The following CISD2 variants were observed in gnomAD, a reference collection of about 807,000 sequenced individuals.
The protein encoded by CISD2 is CDGSH iron sulfur domain 2, also known as CDGSH iron-sulfur domain-containing protein 2.
CISD2 carries 1 observed loss-of-function variant against 12.9 expected under a neutral mutation model. The observed-to-expected ratio is 0.08, with a 90% CI of 0.03 to 0.37. CISD2 has a LOEUF of 0.37. Ranked by LOEUF, CISD2 falls within the 10% of genes least tolerant of loss-of-function variation. The pLI is 0.99. For synonymous variants in CISD2, 50 were observed against 60.6 expected, an observed-to-expected ratio of 0.83 and a Z score of 0.81; for missense variants, 97 against 163.1, an observed-to-expected ratio of 0.59 and a Z score of 2.21.
rs1733994790 is a variant in CISD2, at chr4:102,887,566, T to C, written c.*136T>C. ...ACTACTGTTTGTATTTGATCCTTTG[T>C]CTATTCAGTCACTTAATTAGAAATT... On this transcript the variant is annotated 3_prime_UTR_variant, in exon 3 of 3. Coordinates refer to ENST00000273986, the MANE Select transcript of CISD2 (RefSeq NM_001008388.5). 3 of 554,080 alleles carry C rather than the reference T, an allele frequency of 5.4e-6. No homozygotes were observed. The African/African-American group carries it at 5.7e-5, about 10-fold the overall frequency. The allele number at this position is 554,080 out of a possible 1,614,324, so 34.3% of individuals were successfully genotyped here. A position where few individuals can be genotyped will look rare whatever the true frequency, so the allele number is the denominator to read the frequency against.
In CISD2 at chr4:102,891,557, G is replaced by T. The variant is rs1734250502; in HGVS notation, c.*4127G>T. ...AGGCAGGATATGTGTTGCATTTGGT[G>T]GTAACAATTTCCCCTTAGCTATTTA... On this transcript the variant is annotated 3_prime_UTR_variant, in exon 3 of 3. Transcript: ENST00000273986. 6.6e-6 allele frequency: 1 copy of T among 152,056 alleles called. No individual in the cohort carries two copies. Among genetic ancestry groups the T allele is most frequent in the South Asian group, 2.1e-4 (1 of 4,822 alleles). 9.4% of individuals were successfully genotyped at this position (152,056 alleles called of 1,614,324 possible). A position where few individuals can be genotyped will look rare whatever the true frequency, so the allele number is the denominator to read the frequency against.
intron 1 of CISD2, among the ~76,000 whole-genome samples, chr4:102,883,911 C>CT (rs1343912074): frequency 6.6e-6 from 1 of 152,084 alleles, no homozygotes; most frequent in East Asian, 1.9e-4. Context: ...TTTATTGTGT[C>CT]TTTTTTGCCA....
rs1474319187 is a variant in CISD2 at position 102,891,086 on chromosome 4, T to C, written c.*3656T>C. The C allele has an allele frequency of 6.6e-6, 1 of 151,312 alleles. No individual in the cohort carries two copies. Among genetic ancestry groups the C allele is most frequent in the Non-Finnish European group, 1.5e-5 (1 of 68,032 alleles). 9.4% of individuals were successfully genotyped at this position (151,312 alleles called of 1,614,324 possible). ...CAAGGAAATGATGTATGTGTTTACA[T>C]ATTACATCTACTTTATTAACAATTT... On this transcript the variant is annotated 3_prime_UTR_variant, in exon 3 of 3. Transcript: ENST00000273986.
chr4:102,877,120 G>T (rs1470905142), intron 1 of CISD2, among the ~76,000 whole-genome samples: 1 of 152,064 alleles, frequency 6.6e-6, no homozygotes, highest in South Asian at 2.1e-4. Flanking sequence ...CATTCATTTT[G>T]CATTTCAAAA....
intron 1 of CISD2, among the ~76,000 whole-genome samples, chr4:102,880,689 T>A (rs223321): frequency 0.95 from 142,170 of 150,412 alleles, 67,075 homozygotes; most frequent in East Asian, 0.99. Flanking sequence ...AAAAAAAAAA[T>A]ATATTTTAAA....
intron 1 of CISD2, among the ~76,000 whole-genome samples, chr4:102,876,177 G>A (rs223324): frequency 0.58 from 87,412 of 151,956 alleles, 26,434 homozygotes; most frequent in African/African-American, 0.78. Context: ...ACATAGTGCA[G>A]TTTGTGGAGT....
chr4:102,869,093 G>T lies in CISD2; in HGVS notation c.9G>T (p.Leu3=). Reference sequence around the variant, plus strand: ...GGACGCCGCTGGCCAGGATGGTGCTGGAGAGCGTGGCCCGTATCGTGAAGG... The same window carrying T: ...GGACGCCGCTGGCCAGGATGGTGCTTGAGAGCGTGGCCCGTATCGTGAAGG... MV[L]ESVARIVKVQ... Residue 3 remains leucine (L), a synonymous_variant, in exon 1 of 3, where the codon CTG becomes CTT. Transcript: ENST00000273986. 1 of 1,611,004 alleles carries T rather than the reference G, an allele frequency of 6.2e-7. No homozygotes were observed. Among genetic ancestry groups the T allele is most frequent in the Non-Finnish European group, 8.5e-7 (1 of 1,178,898 alleles).
chr4:102,870,317 T>A (rs1001944345), intron 1 of CISD2, among the ~76,000 whole-genome samples: 5 of 152,168 alleles, frequency 3.3e-5, no homozygotes, highest in South Asian at 2.1e-4. Context: ...GATTTTTTTT[T>A]AAATTAAAGA....
chr4:102,886,732 C>G (rs1481329227), intron 2 of CISD2, among the ~76,000 whole-genome samples: 2 of 149,386 alleles, frequency 1.3e-5, no homozygotes, highest in Non-Finnish European at 3.0e-5. Context: ...TCTCCCACCT[C>G]AGCCTCCCAA....
rs898580126 is a variant in CISD2 at position 102,888,917 on chromosome 4, T to C, written c.*1487T>C. ...ATACAAAAGCTTTTCTTTAGTCTATTTAAGATACAGTTTATTCAGTTCACT... is the reference window on the plus strand; with the variant it reads ...ATACAAAAGCTTTTCTTTAGTCTATCTAAGATACAGTTTATTCAGTTCACT... On this transcript the variant is annotated 3_prime_UTR_variant, in exon 3 of 3. Transcript: ENST00000273986. The C allele has an allele frequency of 2.6e-5, 4 of 152,260 alleles. No individual in the cohort carries two copies. Among genetic ancestry groups the C allele is most frequent in the African/African-American group, 9.6e-5 (4 of 41,468 alleles). The allele number at this position is 152,260 out of a possible 1,614,324, so 9.4% of individuals were successfully genotyped here.
Position 102,869,050 on chromosome 4 carries a change from G to A in CISD2, c.-35G>A. On this transcript the variant is annotated 5_prime_UTR_variant, in exon 1 of 3. Transcript: ENST00000273986. ...GCGCGGCAGCTTGGCCAGAGCGGAG[G>A]GGGCTCGGGAGAGGAGTGGACGCCG... 6.3e-7 allele frequency: 1 copy of A among 1,586,944 alleles called. No individual in the cohort carries two copies. Among genetic ancestry groups the A allele is most frequent in the Non-Finnish European group, 8.6e-7 (1 of 1,167,754 alleles).
chr4:102,874,220 A>G (rs1165558957), intron 1 of CISD2, among the ~76,000 whole-genome samples: 1 of 152,164 alleles, frequency 6.6e-6, no homozygotes, highest in African/African-American at 2.4e-5. Context: ...TCCTAAGGAG[A>G]TTAACACAGA....
At chr4:102,882,608 C>T (rs1733751385) in intron 1 of CISD2, among the ~76,000 whole-genome samples, 1 of 152,192 alleles carries the variant, frequency 6.6e-6, no homozygotes. Flanking sequence ...GTTCTCTGTA[C>T]TGTTCAATAT....
In CISD2 at chr4:102,891,226, A is replaced by T. The variant is rs1734233067; in HGVS notation, c.*3796A>T. 1 of 152,048 alleles carries T rather than the reference A, an allele frequency of 6.6e-6. No homozygotes were observed. The highest frequency in any genetic ancestry group is 1.5e-5 in the Non-Finnish European group (1 of 68,044). 9.4% of individuals were successfully genotyped at this position (152,048 alleles called of 1,614,324 possible). ...ATTTTTAATGGTAGAGGCAGCAGCT[A>T]CCCAGAGTCTACTTATTCTTACTTC... is the stretch of plus-strand genomic sequence containing the variant. On this transcript the variant is annotated 3_prime_UTR_variant, in exon 3 of 3. Transcript: ENST00000273986.
At chr4:102,869,603 C>G in intron 1 of CISD2, 1 of 687,742 alleles carries the variant, frequency 1.5e-6, no homozygotes, top group Non-Finnish European at 2.7e-6. Flanking sequence ...TGGGTTGTAC[C>G]CTCAGCATGT....
At chr4:102,875,162 G>A (rs1049978734) in intron 1 of CISD2, among the ~76,000 whole-genome samples, 19 of 152,262 alleles carry the variant, frequency 1.2e-4, no homozygotes, top group East Asian at 3.9e-4. Flanking sequence ...TCATATCTCC[G>A]TACCTTTGCC....
intron 1 of CISD2, among the ~76,000 whole-genome samples, chr4:102,881,378 C>T (rs1305080931): frequency 6.6e-6 from 1 of 152,074 alleles, no homozygotes; most frequent in African/African-American, 2.4e-5. Flanking sequence ...AATAGGGTGA[C>T]TATTGTTATC....
At chr4:102,874,681 T>A (rs1233046971) in intron 1 of CISD2, 3 of 152,186 alleles carry the variant, frequency 2.0e-5, no homozygotes, top group Non-Finnish European at 4.4e-5. Flanking sequence ...TGTGAGTGAA[T>A]ACGTTTCTGT....
rs1265820280 is a variant in CISD2, at chr4:102,891,504, CAAGAT to C, written c.*4078_*4082del. 6 of 152,140 alleles carry C rather than the reference CAAGAT, an allele frequency of 3.9e-5. No individual in the cohort carries two copies. Among genetic ancestry groups the C allele is most frequent in the Non-Finnish European group, 5.9e-5 (4 of 68,024 alleles). The allele number at this position is 152,140 out of a possible 1,614,324, so 9.4% of individuals were successfully genotyped here. On this transcript the variant is annotated 3_prime_UTR_variant, in exon 3 of 3. Transcript: ENST00000273986. ...GTGATGTTTAGTGATGAATTGGAAT[CAAGAT>C]AAGTAGTATGTGTTATTCAAAAAGG... is the stretch of plus-strand genomic sequence containing the variant.
Sources: gnomAD v4.1 joint callset for allele counts (sites outside exome capture counted in the v4.1 genomes callset) on GRCh38, gnomAD v4.1.1 for gene constraint, MANE v1.5 for transcripts, NCBI Gene and HGNC (gene_info 2026-07-23, HGNC 2026-07-21) for gene names.